LRRC37A2: variants seen among roughly 807,000 people sequenced by gnomAD.
The protein encoded by LRRC37A2 is leucine-rich repeat-containing protein 37A2.
LRRC37A2 carries 9 observed loss-of-function variants against 68.8 expected under a neutral mutation model. That is an observed-to-expected ratio of 0.13 (90% CI 0.08 to 0.23). The LOEUF is 0.23. Among genes scored for constraint, LRRC37A2 ranks in the 10% least tolerant of loss-of-function variants. LRRC37A2 has a pLI of 1.00. For missense variants in LRRC37A2, 168 were observed against 950.4 expected (o/e 0.18, Z 10.82); for synonymous variants, 63 against 367.6 (o/e 0.17, Z 9.48).
the LRRC37A2 span, among the ~76,000 whole-genome samples, chr17:46,889,173 T>A: frequency 6.6e-6 from 1 of 152,126 alleles, no homozygotes; most frequent in South Asian, 2.1e-4. Flanking sequence ...AATAAGATTT[T>A]GAAAATCTGA....
chr17:46,737,365 A>G, the LRRC37A2 span, among the ~76,000 whole-genome samples: 1 of 152,148 alleles, frequency 6.6e-6, no homozygotes, highest in Non-Finnish European at 1.5e-5. Flanking sequence ...TTTCAGAAAA[A>G]CATCACATAA....
chr17:46,710,903 T>G, the LRRC37A2 span: 3 of 1,459,052 alleles, frequency 2.1e-6, no homozygotes, highest in Non-Finnish European at 2.8e-6. Flanking sequence ...AACTCGTCTT[T>G]TATACTGTTA....
the LRRC37A2 span, chr17:46,965,168 G>T: frequency 2.0e-5 from 3 of 152,220 alleles, no homozygotes; most frequent in Non-Finnish European, 4.4e-5. Flanking sequence ...TCTCGGGTGG[G>T]CAGGGCCCAG....
chr17:46,877,211 C>A, the LRRC37A2 span: 1 of 385,106 alleles, frequency 2.6e-6, no homozygotes, highest in East Asian at 1.6e-4. Context: ...TGCTCAGGTG[C>A]AGTGGGCTCC....
chr17:46,792,622 T>G, the LRRC37A2 span, among the ~76,000 whole-genome samples: 1 of 152,046 alleles, frequency 6.6e-6, no homozygotes, highest in Non-Finnish European at 1.5e-5. Flanking sequence ...TATAGGTGCA[T>G]GCCACCACAC....
At chr17:46,707,390 T>C in the LRRC37A2 span, among the ~76,000 whole-genome samples, 1 of 152,242 alleles carries the variant, frequency 6.6e-6, no homozygotes, top group South Asian at 2.1e-4. Context: ...AAAATACATA[T>C]AAAGTTTACC....
the LRRC37A2 span, chr17:46,713,755 C>T: frequency 2.7e-6 from 3 of 1,121,488 alleles, no homozygotes; most frequent in Non-Finnish European, 2.6e-6. Context: ...AGCAACTAGT[C>T]GAGACCTCAG....
chr17:46,751,197 GAAAAGAATGTTA>G, the LRRC37A2 span, among the ~76,000 whole-genome samples: 1 of 152,152 alleles, frequency 6.6e-6, no homozygotes, highest in Non-Finnish European at 1.5e-5. Flanking sequence ...ATTGTTCCTA[GAAAAGAATGTTA>G]AAAATTTTAA....
At chr17:46,619,781 A>AC in the LRRC37A2 span, among the ~76,000 whole-genome samples, 2 of 88,236 alleles carry the variant, frequency 2.3e-5, 1 homozygote, top group East Asian at 1.1e-3. Context: ...AAAAAAAAAA[A>AC]AAAAAAAAAA....
chr17:46,542,911 G>A (rs1357215173), intron 8 of LRRC37A2, among the ~76,000 whole-genome samples: 2 of 149,854 alleles, frequency 1.3e-5, no homozygotes, highest in African/African-American at 2.5e-5. Context: ...ACTCTGCTCC[G>A]TTCATTTTTG....
chr17:46,980,366 CTCTT>C, the LRRC37A2 span, among the ~76,000 whole-genome samples: 82 of 87,212 alleles, frequency 9.4e-4, no homozygotes, highest in Non-Finnish European at 1.6e-3. Context: ...TTCTTTCTTT[CTCTT>C]CTTCTTTCTC....
At chr17:46,883,831 A>G in the LRRC37A2 span, among the ~76,000 whole-genome samples, 2 of 152,112 alleles carry the variant, frequency 1.3e-5, no homozygotes, top group African/African-American at 4.8e-5. Flanking sequence ...CCCACCCTGC[A>G]TACCGCAAAG....
At chr17:46,961,810 C>A in the LRRC37A2 span, among the ~76,000 whole-genome samples, 2 of 152,110 alleles carry the variant, frequency 1.3e-5, no homozygotes, top group Non-Finnish European at 2.9e-5. Context: ...AAAATGTACA[C>A]CCTTTATCTA....
the LRRC37A2 span, chr17:47,028,261 G>C: frequency 1.5e-6 from 2 of 1,377,794 alleles, no homozygotes; most frequent in South Asian, 2.4e-5. Context: ...CCTTTGGCTT[G>C]TGTCTTTTTT....
At chr17:46,497,653 A>T in the LRRC37A2 span, among the ~76,000 whole-genome samples, 24 of 150,446 alleles carry the variant, frequency 1.6e-4, 2 homozygotes, top group African/African-American at 5.0e-4. Flanking sequence ...GTAGATATGT[A>T]TCTATACTTT....
the LRRC37A2 span, among the ~76,000 whole-genome samples, chr17:46,946,461 CAA>C: frequency 0.32 from 32,079 of 98,794 alleles, 4,091 homozygotes; most frequent in South Asian, 0.51. Flanking sequence ...AACTCCGTCT[CAA>C]AAAAAAAAAA....
the LRRC37A2 span, chr17:46,966,847 GC>G: frequency 7.2e-6 from 3 of 413,966 alleles, no homozygotes; most frequent in Non-Finnish European, 1.3e-5. Flanking sequence ...ACCATTCCTG[GC>G]ATGTGAAGAG....
chr17:46,473,953 A>T, the LRRC37A2 span, among the ~76,000 whole-genome samples: 1 of 108,362 alleles, frequency 9.2e-6, no homozygotes, highest in East Asian at 2.4e-4. Context: ...GATACTAACC[A>T]TATTTAATCC....
chr17:46,970,549 A>C, the LRRC37A2 span, among the ~76,000 whole-genome samples: 10 of 151,648 alleles, frequency 6.6e-5, no homozygotes, highest in East Asian at 1.7e-3. Context: ...AAAAAAAAAA[A>C]AAAAAAAAAA....
Sources: allele counts gnomAD v4.1 joint callset (sites outside exome capture counted in the v4.1 genomes callset), GRCh38; gene constraint gnomAD v4.1.1; transcripts MANE v1.5; gene names NCBI Gene and HGNC (gene_info 2026-07-23, HGNC 2026-07-21).